The following PGR variants were observed in gnomAD, a reference collection of about 807,000 sequenced individuals.
The protein encoded by PGR is progesterone receptor, also known as nuclear receptor subfamily 3 group C member 3.
In PGR, 25 loss-of-function variants were observed where a neutral mutation model predicts 76.1. The observed-to-expected ratio is 0.33, with a 90% confidence interval of 0.24 to 0.46. PGR has a LOEUF of 0.46. Among genes scored for constraint, PGR ranks in the 20% least tolerant of loss-of-function variants. PGR has a pLI of 1.00. For synonymous variants in PGR, 579 were observed against 535.0 expected (o/e 1.08, Z -1.14); for missense variants, 1,172 against 1,225.3 (o/e 0.96, Z 0.65).
chr11:101,082,346 G>A (rs1861341453), intron 3 of PGR, among the ~76,000 whole-genome samples: 1 of 152,206 alleles, frequency 6.6e-6, no homozygotes, highest in South Asian at 2.1e-4. Flanking sequence ...TTGGTACTGG[G>A]AGAGTGGAGC....
intron 2 of PGR, among the ~76,000 whole-genome samples, chr11:101,093,567 T>C (rs1164242073): frequency 6.6e-6 from 1 of 152,214 alleles, no homozygotes; most frequent in Non-Finnish European, 1.5e-5. Context: ...TTCAAGGAAC[T>C]TTCCTGCCTC....
Position 101,046,436 on chromosome 11 carries a change from G to A in PGR, c.2488+3493C>T, listed in dbSNP as rs555853720. ...CCAAAGTGTGATTAGAAATGTGACC[G>A]ACTACATCTGGCCTTTAGTGTAATT... On this transcript the variant is annotated intron_variant, in intron 6 of 7. Coordinates refer to ENST00000325455, the MANE Select transcript of PGR (RefSeq NM_000926.4). Among the ~76,000 whole-genome samples, 253 of 148,938 alleles carry A rather than the reference G, an allele frequency of 1.7e-3. 7 individuals carry two copies. The highest frequency in any genetic ancestry group is 1.6e-3 in the Non-Finnish European group (111 of 67,518).
chr11:101,037,014 C>A lies in PGR; in HGVS notation c.*2102G>T, dbSNP rs1015820017. 3.1e-5 allele frequency: 6 copies of A among 196,160 alleles called. No individual in the cohort carries two copies. The highest frequency in any genetic ancestry group is 5.3e-5 in the Non-Finnish European group (5 of 94,538). The allele number at this position is 196,160 out of a possible 1,614,324, so 12.2% of individuals were successfully genotyped here. On this transcript the variant is annotated 3_prime_UTR_variant, in exon 8 of 8. Coordinates refer to ENST00000325455, the MANE Select transcript of PGR (RefSeq NM_000926.4). ...GACCTACATTCATTTTCTTGTGTCA[C>A]ACAGTTCATTCTGAGAGGTGTCACT...
rs751489196 is a variant in PGR at position 101,127,895 on chromosome 11, T to TTCC, written c.1173_1175dup (p.Glu392dup). 1.2e-5 allele frequency: 19 copies of TTCC among 1,587,528 alleles called. No homozygotes were observed. Among genetic ancestry groups the TTCC allele is most frequent in the Non-Finnish European group, 1.5e-5 (18 of 1,168,470 alleles). ...GGGAGCGCGCGGAGGCCTCCGCGCC[T>TTCC]TCCTCCTCCTCCTTTATCTTTAGAG... On this transcript the variant is annotated inframe_insertion, in exon 1 of 8. Transcript: ENST00000325455.
chr11:101,089,266 T>C (rs1861597910), intron 3 of PGR, among the ~76,000 whole-genome samples: 1 of 152,218 alleles, frequency 6.6e-6, no homozygotes, highest in Non-Finnish European at 1.5e-5. Flanking sequence ...TAATCATTTA[T>C]GGTATACAAG....
intron 2 of PGR, among the ~76,000 whole-genome samples, chr11:101,095,025 C>A (rs1459084504): frequency 3.3e-5 from 5 of 152,178 alleles, no homozygotes; most frequent in Non-Finnish European, 7.3e-5. Context: ...TTGGACTTCT[C>A]AGCCTTTAGA....
At chr11:101,108,523 C>T (rs1176427836) in intron 2 of PGR, among the ~76,000 whole-genome samples, 1 of 152,110 alleles carries the variant, frequency 6.6e-6, no homozygotes, top group Admixed American at 6.6e-5. Flanking sequence ...GACTTGACTA[C>T]AATAAGAGTT....
rs933403161 is a variant in PGR, at chr11:101,129,598, G to A, written c.-528C>T. On this transcript the variant is annotated 5_prime_UTR_variant, in exon 1 of 8. Coordinates refer to ENST00000325455, the MANE Select transcript of PGR (RefSeq NM_000926.4). ...ACCCTGGGGCTAGTCGGACCTCTCG[G>A]TACAGCCCATTCCCAGGAAGGGTCG... The A allele has an allele frequency of 6.5e-5, 12 of 184,446 alleles. No individual in the cohort carries two copies. The East Asian group carries it at 1.1e-3, about 16-fold the overall frequency. The allele number at this position is 184,446 out of a possible 1,614,324, so 11.4% of individuals were successfully genotyped here.
At chr11:101,043,062 T>A (rs1032321119) in intron 6 of PGR, among the ~76,000 whole-genome samples, 1 of 152,178 alleles carries the variant, frequency 6.6e-6, no homozygotes, top group Non-Finnish European at 1.5e-5. Flanking sequence ...GCTGCATCAG[T>A]TGACTCTTTT....
intron 3 of PGR, among the ~76,000 whole-genome samples, chr11:101,071,582 A>G (rs907315680): frequency 2.0e-5 from 3 of 152,020 alleles, no homozygotes; most frequent in African/African-American, 7.2e-5. Flanking sequence ...AACCTTGAAA[A>G]AAGGTTAGAG....
chr11:101,082,027 T>C lies in PGR; in HGVS notation c.1906+9733A>G, dbSNP rs574885724. 5.3e-5 allele frequency among the ~76,000 whole-genome samples: 8 copies of C among 152,278 alleles called. No individual in the cohort carries two copies. In the South Asian group the frequency reaches 1.0e-3, roughly 20 times the overall value. On this transcript the variant is annotated intron_variant, in intron 3 of 7. Coordinates refer to ENST00000325455, the MANE Select transcript of PGR (RefSeq NM_000926.4). ...TGGGGAGGGACCTGATGGGAGGTGA[T>C]TGGATCATGGGGGCACATTTCCCCC... is the stretch of plus-strand genomic sequence containing the variant.
intron 4 of PGR, among the ~76,000 whole-genome samples, chr11:101,054,348 G>T (rs948063048): frequency 3.9e-5 from 6 of 152,092 alleles, no homozygotes; most frequent in African/African-American, 1.4e-4. Context: ...TTTTTGGTAT[G>T]CAAGTTTTAT....
At chr11:101,122,179 A>T in intron 2 of PGR, among the ~76,000 whole-genome samples, 1 of 48 alleles carries the variant, frequency 0.021, no homozygotes, top group East Asian at 0.25. Flanking sequence ...AAGTGAGCAT[A>T]ATATGCAATA....
At chr11:101,118,288 T>C (rs1379957691) in intron 2 of PGR, among the ~76,000 whole-genome samples, 1 of 152,178 alleles carries the variant, frequency 6.6e-6, no homozygotes, top group African/African-American at 2.4e-5. Flanking sequence ...CAAAGAGACA[T>C]TAGAAGAGTA....
At chr11:101,070,848 T>C (rs1022054775) in intron 3 of PGR, among the ~76,000 whole-genome samples, 2 of 152,068 alleles carry the variant, frequency 1.3e-5, no homozygotes, top group African/African-American at 4.8e-5. Flanking sequence ...AAAACTCCCA[T>C]CTCCCTGGGA....
chr11:101,062,323 T>C lies in PGR; in HGVS notation c.2212+124A>G, dbSNP rs1000859770. On this transcript the variant is annotated intron_variant, in intron 4 of 7. Transcript: ENST00000325455. ...AAATATTTTGAACTGCTCAAACACA[T>C]ACTATCACATACTGTTTTATATTGT... 5 of 751,572 alleles carry C rather than the reference T, an allele frequency of 6.7e-6. No individual in the cohort carries two copies. The East Asian group carries it at 1.1e-4, about 16-fold the overall frequency. 46.6% of individuals were successfully genotyped at this position (751,572 alleles called of 1,614,324 possible). A position where few individuals can be genotyped will look rare whatever the true frequency, so the allele number is the denominator to read the frequency against.
chr11:101,048,053 T>C (rs918216092), intron 6 of PGR, among the ~76,000 whole-genome samples: 6 of 152,108 alleles, frequency 3.9e-5, no homozygotes, highest in African/African-American at 1.4e-4. Flanking sequence ...TCAAAATCTC[T>C]CTCACTCAGT....
chr11:101,046,881 T>C (rs1859905732), intron 6 of PGR, among the ~76,000 whole-genome samples: 1 of 152,158 alleles, frequency 6.6e-6, no homozygotes, highest in African/African-American at 2.4e-5. Context: ...TCTCCCATGC[T>C]GTATTAATTA....
At chr11:101,060,622 A>T (rs1860458440) in intron 4 of PGR, among the ~76,000 whole-genome samples, 1 of 152,176 alleles carries the variant, frequency 6.6e-6, no homozygotes, top group African/African-American at 2.4e-5. Context: ...TAGCTCACTG[A>T]CCATTTTCAT....
Sources: gnomAD v4.1 joint callset for allele counts (sites outside exome capture counted in the v4.1 genomes callset) on GRCh38, gnomAD v4.1.1 for gene constraint, MANE v1.5 for transcripts, NCBI Gene and HGNC (gene_info 2026-07-23, HGNC 2026-07-21) for gene names.